Variants in CEP290 observed in about 807,000 individuals in gnomAD.
The protein encoded by CEP290 is centrosomal protein 290.
In CEP290, 317 loss-of-function variants were observed where a neutral mutation model predicts 344.9. The observed-to-expected ratio is 0.92, with a 90% CI of 0.84 to 1.01. The LOEUF (loss-of-function observed/expected upper bound fraction) is 1.01. Among genes scored for constraint, CEP290 ranks in the 50% least tolerant of loss-of-function variants. CEP290 has a pLI of 0.00. For missense variants in CEP290, 2,754 were observed against 2,761.4 expected, an observed-to-expected ratio of 1.00 and a Z score of 0.06; for synonymous variants, 932 against 895.8, an observed-to-expected ratio of 1.04 and a Z score of -0.72.
intron 3 of CEP290, among the ~76,000 whole-genome samples, chr12:88,140,082 T>C (rs1427269938): frequency 6.6e-6 from 1 of 152,170 alleles, no homozygotes; most frequent in Non-Finnish European, 1.5e-5. Context: ...CTACAATTTC[T>C]AGATTTTTAA....
rs1402258383 is a variant in CEP290, at chr12:88,111,704, G to C, written c.2207C>G (p.Ala736Gly). ...AINYSQQLAK[A>G]NLKIDHLEKE... ...TAATAAAATTCTCACCTTTAAATTAGCTTTTGCCAACTGCTGTGAATAATT... is the reference window on the plus strand; with the variant it reads ...TAATAAAATTCTCACCTTTAAATTACCTTTTGCCAACTGCTGTGAATAATT... The change falls in exon 21 of 54, where the codon GCT becomes GGT. Residue 736 changes from alanine to glycine, a missense_variant. Coordinates refer to ENST00000552810, the MANE Select transcript of CEP290 (RefSeq NM_025114.4). 1 of 1,573,746 alleles carries C rather than the reference G, an allele frequency of 6.4e-7. No homozygotes were observed. The highest frequency in any genetic ancestry group is 2.4e-5 in the East Asian group (1 of 42,134).
rs528298900 is a variant in CEP290, at chr12:88,084,865, A to G, written c.4438-13T>C. On this transcript the variant is annotated splice_polypyrimidine_tract_variant and intron_variant, in intron 34 of 53. Transcript: ENST00000552810. ...TCTCTTTTAGTTTCTGCAATGATTA[A>G]ATTATAATAAATCATTAAAGTATCT... is the stretch of plus-strand genomic sequence containing the variant. 239 of 1,474,576 alleles carry G rather than the reference A, an allele frequency of 1.6e-4. No homozygotes were observed. Among genetic ancestry groups the G allele is most frequent in the Non-Finnish European group, 2.1e-4 (233 of 1,107,352 alleles). The allele number at this position is 1,474,576 out of a possible 1,614,324, so 91.3% of individuals were successfully genotyped here.
chr12:88,086,495 G>C lies in CEP290; in HGVS notation c.4198C>G (p.His1400Asp). The change falls in exon 33 of 54, where the codon CAT becomes GAT. Residue 1400 changes from histidine (H) to aspartate (D), a missense_variant. Coordinates refer to ENST00000552810, the MANE Select transcript of CEP290 (RefSeq NM_025114.4). Reference protein sequence around the residue: ...EEEIVQQNKFHEERQMAWDQR... With the variant: ...EEEIVQQNKFDEERQMAWDQR... ...TCCCAGGCCATTTGTCTTTCTTCATGAAACTAAAAAAAGGACAATTTGTGT... is the reference window on the plus strand; with the variant it reads ...TCCCAGGCCATTTGTCTTTCTTCATCAAACTAAAAAAAGGACAATTTGTGT... The C allele has an allele frequency of 6.3e-7, 1 of 1,583,846 alleles. No homozygotes were observed. The highest frequency in any genetic ancestry group is 1.2e-5 in the South Asian group (1 of 86,868).
At chr12:88,104,200 G>A (rs2038107179) in intron 25 of CEP290, 1 of 152,022 alleles carries the variant, frequency 6.6e-6, no homozygotes, top group Non-Finnish European at 1.5e-5. Flanking sequence ...AGATCAAGCT[G>A]AAAATAGGTT....
intron 15 of CEP290, 60 bp downstream of exon 15, chr12:88,120,053 AT>A (rs2039307809): frequency 3.6e-6 from 4 of 1,099,726 alleles, no homozygotes; most frequent in South Asian, 2.2e-5. Flanking sequence ...CAAAATTTAA[AT>A]TAAAAAAAAA....
intron 26 of CEP290, among the ~76,000 whole-genome samples, chr12:88,098,161 C>T (rs1484175611): frequency 6.6e-6 from 1 of 151,198 alleles, no homozygotes; most frequent in Non-Finnish European, 1.5e-5. Flanking sequence ...AAAAATTAGC[C>T]AGTCATGATG....
intron 1 of CEP290, among the ~76,000 whole-genome samples, 198 bp from the exon 2 acceptor site, chr12:88,141,532 G>A (rs1322111317): frequency 3.3e-5 from 5 of 151,920 alleles, no homozygotes; most frequent in African/African-American, 9.7e-5. Context: ...AGAGTGTCCC[G>A]GCTAAATAAA....
rs1276479946 is a variant in CEP290 at position 88,053,572 on chromosome 12, C to A, written c.7129+80G>T. ...TTACAGGGAGACAATGATCAGAAAT[C>A]TGAGCCAAAAAAAAAAAAAAAAGGC... On this transcript the variant is annotated intron_variant, in intron 52 of 53. Transcript: ENST00000552810. 1.1e-4 allele frequency: 72 copies of A among 665,618 alleles called. 3 individuals carry two copies. The highest frequency in any genetic ancestry group is 1.0e-3 in the South Asian group (59 of 56,450). The allele number at this position is 665,618 out of a possible 1,614,324, so 41.2% of individuals were successfully genotyped here. A position where few individuals can be genotyped will look rare whatever the true frequency, so the allele number is the denominator to read the frequency against.
At position 88,111,272 on chromosome 12, in the gene CEP290, G is replaced by A; in HGVS notation, c.2297C>T (p.Pro766Leu). Residue 766 changes from proline (P) to leucine (L), a missense_variant, in exon 22 of 54, where the codon CCT becomes CTT. Physicochemically the swap from Pro to Leu is moderately conservative, Grantham distance 98 (BLOSUM62 -3). Transcript: ENST00000552810. ...GGCACTAGATGGTGCTATCCCATCAGGTAAGTCAATTCCTTTAAAAACAAC... is the reference window on the plus strand; with the variant it reads ...GGCACTAGATGGTGCTATCCCATCAAGTAAGTCAATTCCTTTAAAAACAAC... ...SNVVFKGIDLPDGIAPSSASI... is the reference protein window; with the variant it reads ...SNVVFKGIDLLDGIAPSSASI... 6.5e-7 allele frequency: 1 copy of A among 1,548,622 alleles called. No individual in the cohort carries two copies.
chr12:88,092,218 G>A (rs957492807), intron 29 of CEP290, among the ~76,000 whole-genome samples: 9 of 152,088 alleles, frequency 5.9e-5, no homozygotes, highest in African/African-American at 1.9e-4. Flanking sequence ...ACCTTGCACC[G>A]TGACTAGTAC....
intron 20 of CEP290, among the ~76,000 whole-genome samples, chr12:88,112,354 G>A (rs1235641192): frequency 6.6e-6 from 1 of 152,030 alleles, no homozygotes; most frequent in East Asian, 1.9e-4. Context: ...TTGAACAATT[G>A]ATCAATACAA....
chr12:88,107,130 T>G, intron 23 of CEP290, 32 bp from the exon 24 acceptor site: 1 of 1,258,308 alleles, frequency 7.9e-7, no homozygotes, highest in Non-Finnish European at 1.1e-6. Context: ...AAGACAATAC[T>G]GTAAACCTAA....
chr12:88,076,591 G>A (rs927302556), intron 41 of CEP290, among the ~76,000 whole-genome samples: 11 of 145,658 alleles, frequency 7.6e-5, no homozygotes, highest in South Asian at 2.3e-4. Flanking sequence ...TTAATTACAC[G>A]CATTTTAGCC....
At chr12:88,065,153 TA>T (rs2034811176) in intron 44 of CEP290, among the ~76,000 whole-genome samples, 1 of 152,060 alleles carries the variant, frequency 6.6e-6, no homozygotes, top group African/African-American at 2.4e-5. Context: ...TCATAGGAAA[TA>T]ATTTTTTTTA....
intron 39 of CEP290, among the ~76,000 whole-genome samples, chr12:88,078,453 C>G (rs916106608): frequency 6.6e-6 from 1 of 151,932 alleles, no homozygotes; most frequent in Non-Finnish European, 1.5e-5. Flanking sequence ...ATAACATATT[C>G]TGGAAAAGGT....
At chr12:88,053,897 A>G (rs1039259969) in intron 51 of CEP290, among the ~76,000 whole-genome samples, 151 bp from the exon 52 acceptor site, 1 of 152,196 alleles carries the variant, frequency 6.6e-6, no homozygotes, top group Non-Finnish European at 1.5e-5. Context: ...CAATGTCACC[A>G]TTCTCAAACA....
At chr12:88,114,362 G>T in intron 20 of CEP290, 58 bp downstream of exon 20, 1 of 1,354,386 alleles carries the variant, frequency 7.4e-7, no homozygotes, top group Non-Finnish European at 1.0e-6. Flanking sequence ...TCTGTACACA[G>T]CAGAAAATCT....
chr12:88,068,511 T>C lies in CEP290; in HGVS notation c.6135+11A>G, dbSNP rs199915812. 1 of 1,467,712 alleles carries C rather than the reference T, an allele frequency of 6.8e-7. No homozygotes were observed. Among genetic ancestry groups the C allele is most frequent in the Non-Finnish European group, 9.1e-7 (1 of 1,102,016 alleles). The allele number at this position is 1,467,712 out of a possible 1,614,324, so 90.9% of individuals were successfully genotyped here. On this transcript the variant is annotated intron_variant, in intron 44 of 53. Coordinates refer to ENST00000552810, the MANE Select transcript of CEP290 (RefSeq NM_025114.4). ...GAAAAAAGAAAAAAATAATAAAAGA[T>C]ATACACTTACTGAAGGCTTAGAATA...
chr12:88,118,404 C>T, intron 17 of CEP290, 79 bp downstream of exon 17: 1 of 1,170,944 alleles, frequency 8.5e-7, no homozygotes, highest in South Asian at 1.5e-5. Context: ...GCAAAAACAG[C>T]TAAGACACAA....
Sources: allele counts gnomAD v4.1 joint callset (sites outside exome capture counted in the v4.1 genomes callset), GRCh38; gene constraint gnomAD v4.1.1; transcripts MANE v1.5; gene names NCBI Gene and HGNC (gene_info 2026-07-23, HGNC 2026-07-21).